The following KCP variants were observed in gnomAD, a reference collection of about 807,000 sequenced individuals.
The protein encoded by KCP is kielin/chordin-like protein.
KCP carries 194 observed loss-of-function variants against 212.7 expected under a neutral mutation model. That is an observed-to-expected ratio of 0.91 (90% confidence interval 0.81 to 1.03). The LOEUF (loss-of-function observed/expected upper bound fraction) is 1.03, where lower values mean the gene tolerates loss of function less well. Among genes scored for constraint, KCP ranks in the 50% least tolerant of loss-of-function variants. The pLI, the probability that KCP is intolerant of heterozygous loss-of-function variation, is 0.00. For synonymous variants in KCP, 833 were observed against 865.3 expected, an observed-to-expected ratio of 0.96 and a Z score of 0.65; for missense variants, 2,080 against 2,162.5, an observed-to-expected ratio of 0.96 and a Z score of 0.76.
rs538212975 is a variant in KCP, at chr7:128,890,076, G to C, written c.2335+267C>G. On this transcript the variant is annotated intron_variant, in intron 21 of 39. Coordinates refer to ENST00000610776, the MANE Select transcript of KCP (RefSeq NM_001366122.1). The stretch of plus-strand genomic sequence containing the variant: ...TAGATGGAACTACAAGAGGCACCAC[G>C]ACCAGCTGATTTTAAATTTTTTGTG... The C allele has an allele frequency of 1.6e-4, 79 of 505,314 alleles. 1 individual carries two copies. In the South Asian group the frequency reaches 1.7e-3, roughly 11 times the overall value. The allele number at this position is 505,314 out of a possible 1,614,324, so 31.3% of individuals were successfully genotyped here.
Position 128,877,083 on chromosome 7 carries a change from G to T in KCP, c.4847C>A (p.Ala1616Asp). ...VLLTGDQPLG[A>D]RPSPSREPQE... ...GGGCTCCCGGCTGGGGCTGGGCCGA[G>T]CACCAAGTGGCTGGTCTCCAGTGAG... The change falls in exon 40 of 40, where the codon GCT becomes GAT. Residue 1616 changes from alanine (A) to aspartate (D), a missense_variant. Coordinates refer to ENST00000610776, the MANE Select transcript of KCP (RefSeq NM_001366122.1). 1 of 1,520,394 alleles carries T rather than the reference G, an allele frequency of 6.6e-7. No individual in the cohort carries two copies. Among genetic ancestry groups the T allele is most frequent in the Non-Finnish European group, 8.8e-7 (1 of 1,138,516 alleles). The allele number at this position is 1,520,394 out of a possible 1,614,324, so 94.2% of individuals were successfully genotyped here. A position where few individuals can be genotyped will look rare whatever the true frequency, so the allele number is the denominator to read the frequency against.
chr7:128,880,008 T>C lies in KCP; in HGVS notation c.3837A>G (p.Gly1279=). The change falls in exon 35 of 40, where the codon GGA becomes GGG. Residue 1279 remains glycine, a synonymous_variant. Coordinates refer to ENST00000610776, the MANE Select transcript of KCP (RefSeq NM_001366122.1). ...CGTCGAAGGTGCGGTAATGGGGGTC[T>C]CCGAAGGCCATGCAGGAAGCGGGCC... ...LPRPASCMAF[G]DPHYRTFDGR... 6.5e-7 allele frequency: 1 copy of C among 1,550,144 alleles called. No individual in the cohort carries two copies. Among genetic ancestry groups the C allele is most frequent in the Non-Finnish European group, 8.7e-7 (1 of 1,146,876 alleles).
At position 128,884,812 on chromosome 7, in the gene KCP, C is replaced by T. The variant is rs867145045; in HGVS notation, c.3092G>A (p.Gly1031Glu). 1 of 1,551,136 alleles carries T rather than the reference C, an allele frequency of 6.4e-7. No individual in the cohort carries two copies. The highest frequency in any genetic ancestry group is 8.7e-7 in the Non-Finnish European group (1 of 1,147,002). ...GATGCACACTTCACAGGGGTCTGCC[C>T]CAGGCTGGAAGCTCTCCCCAGGCTC... ...KYEPGESFQP[G>E]ADPCEVCICE... The change falls in exon 28 of 40, where the codon GGG becomes GAG. Residue 1031 changes from glycine to glutamate, a missense_variant. Physicochemically the swap from Gly to Glu is moderately conservative, Grantham distance 98 (BLOSUM62 -2). Coordinates refer to ENST00000610776, the MANE Select transcript of KCP (RefSeq NM_001366122.1).
intron 16 of KCP, 141 bp downstream of exon 16, chr7:128,892,373 C>A: frequency 1.5e-5 from 9 of 601,548 alleles, no homozygotes; most frequent in Non-Finnish European, 2.3e-5. Flanking sequence ...CCCGTGAGTT[C>A]CAGAGAGTTC....
chr7:128,908,297 A>AGAAAGAAG (rs1491217558), intron 2 of KCP, 129 bp downstream of exon 2: 3 of 696,142 alleles, frequency 4.3e-6, no homozygotes, highest in Admixed American at 4.1e-5. Context: ...AAAGAAAGAA[A>AGAAAGAAG]GAAAGAAAGG....
At position 128,892,898 on chromosome 7, in the gene KCP, G is replaced by C; in HGVS notation, c.1391C>G (p.Ala464Gly). The stretch of plus-strand genomic sequence containing the variant: ...GGGCTGGGTGGGGTGCTGGCAGGGG[G>C]CTGGGGGGCAGAGCACAGCCCCGCA... ...PKCGAVLCPP[A>G]PCQHPTQPPG... The change falls in exon 14 of 40, where the codon GCC becomes GGC. Residue 464 changes from alanine (A) to glycine (G), a missense_variant. Ala to Gly is a moderately conservative substitution (Grantham distance 60). Coordinates refer to ENST00000610776, the MANE Select transcript of KCP (RefSeq NM_001366122.1). 6.5e-7 allele frequency: 1 copy of C among 1,546,890 alleles called. No individual in the cohort carries two copies. Among genetic ancestry groups the C allele is most frequent in the Non-Finnish European group, 8.7e-7 (1 of 1,143,232 alleles).
chr7:128,891,803 T>C lies in KCP; in HGVS notation c.1638A>G (p.Glu546=). The C allele has an allele frequency of 1.4e-6, 2 of 1,446,058 alleles. No homozygotes were observed. The highest frequency in any genetic ancestry group is 2.6e-5 in the East Asian group (1 of 39,110). 89.6% of individuals were successfully genotyped at this position (1,446,058 alleles called of 1,614,324 possible). A position where few individuals can be genotyped will look rare whatever the true frequency, so the allele number is the denominator to read the frequency against. ...AGCTCTCGCCGTCCACAAACACCTCTTCCTCCAGGATGCAGTCTGGGCAGT... is the reference window on the plus strand; with the variant it reads ...AGCTCTCGCCGTCCACAAACACCTCCTCCTCCAGGATGCAGTCTGGGCAGT... The part of the protein sequence containing the change: ...CPRCPDCILE[E]EVFVDGESFS... Residue 546 remains glutamate (E), a synonymous_variant, in exon 17 of 40, where the codon GAA becomes GAG. Transcript: ENST00000610776.
intron 8 of KCP, among the ~76,000 whole-genome samples, chr7:128,898,569 T>TAAC (rs1178108219): frequency 2.6e-5 from 4 of 152,228 alleles, no homozygotes; most frequent in Admixed American, 2.0e-4. Flanking sequence ...TGCTAAGGAT[T>TAAC]AACACTGTAA....
chr7:128,910,162 C>T (rs1382025132), intron 1 of KCP, among the ~76,000 whole-genome samples: 3 of 152,194 alleles, frequency 2.0e-5, no homozygotes, highest in Non-Finnish European at 4.4e-5. Context: ...CTTGGCTGGT[C>T]CCCAAGGAAT....
At chr7:128,887,541 A>G (rs1301783493) in intron 22 of KCP, among the ~76,000 whole-genome samples, 1 of 150,812 alleles carries the variant, frequency 6.6e-6, no homozygotes. Flanking sequence ...CCTGCCATCA[A>G]CAGAACTGCC....
At chr7:128,885,916 G>GT (rs398006228) in intron 26 of KCP, among the ~76,000 whole-genome samples, 1 of 60,798 alleles carries the variant, frequency 1.6e-5, no homozygotes, top group Non-Finnish European at 2.8e-5. Flanking sequence ...TATCTGGTAA[G>GT]TTGTTGTGCT....
chr7:128,891,198 G>T lies in KCP; in HGVS notation c.1959C>A (p.Cys653Ter). Residue 653 changes from cysteine to a stop codon, truncating the protein, a stop_gained, in exon 19 of 40, where the codon TGC becomes TGA. Transcript: ENST00000610776. LOFTEE classifies it high-confidence loss of function. The part of the protein sequence containing the change: ...PEPVLLPGEC[C>*]PQCPAAPAPA... ...TGCGGCCCCTACCTGGGCACTGCGG[G>T]CAGCACTCTCCCGGCAGCAGGACAG... 2 of 1,543,954 alleles carry T rather than the reference G, an allele frequency of 1.3e-6. No individual in the cohort carries two copies. Among genetic ancestry groups the T allele is most frequent in the Non-Finnish European group, 8.7e-7 (1 of 1,146,546 alleles).
In KCP at chr7:128,877,515, C is replaced by T. The variant is rs1563015767; in HGVS notation, c.4587G>A (p.Val1529=). 6.4e-7 allele frequency: 1 copy of T among 1,551,366 alleles called. No homozygotes were observed. The highest frequency in any genetic ancestry group is 1.4e-5 in the African/African-American group (1 of 73,180). ...AYASHCRQAG[V]TPTWRGPTLC... Reference sequence around the variant, plus strand: ...GCGTGGGGCCTCGCCAGGTAGGTGTCACTCCTGCCTGGCGACAGTGACTGG... The same window carrying T: ...GCGTGGGGCCTCGCCAGGTAGGTGTTACTCCTGCCTGGCGACAGTGACTGG... The change falls in exon 39 of 40, where the codon GTG becomes GTA. Residue 1529 remains valine (V), a synonymous_variant. Transcript: ENST00000610776.
chr7:128,882,898 C>T (rs925511811), intron 29 of KCP, among the ~76,000 whole-genome samples: 9 of 152,106 alleles, frequency 5.9e-5, no homozygotes, highest in Non-Finnish European at 8.8e-5. Flanking sequence ...ATGTTAAAAC[C>T]CCATCTCTAC....
At chr7:128,880,234 C>A in intron 34 of KCP, 149 bp from the exon 35 acceptor site, 1 of 1,291,540 alleles carries the variant, frequency 7.7e-7, no homozygotes, top group Non-Finnish European at 1.0e-6. Flanking sequence ...GTCAGGGCAC[C>A]ACATCGTGGT....
rs1305899180 is a variant in KCP at position 128,878,661 on chromosome 7, G to A, written c.4208C>T (p.Thr1403Ile). The A allele has an allele frequency of 3.2e-6, 5 of 1,551,248 alleles. No individual in the cohort carries two copies. Among genetic ancestry groups the A allele is most frequent in the Non-Finnish European group, 4.4e-6 (5 of 1,146,972 alleles). The change falls in exon 38 of 40, where the codon ACT becomes ATT. Residue 1403 changes from threonine to isoleucine, a missense_variant. Thr to Ile is a moderately conservative substitution (Grantham distance 89). Transcript: ENST00000610776. ...ATTGAAGTTCCCACAGAGCCCACAA[G>A]TCCGGCCCTGGTAGGAGCCAGGTAC... ...VSVPGSYQGRTCGLCGNFNGF... is the reference protein window; with the variant it reads ...VSVPGSYQGRICGLCGNFNGF...
chr7:128,877,313 T>C lies in KCP; in HGVS notation c.4619-2A>G, dbSNP rs1338729649. ...CACGCTCCAGGGGGCAGCCTACCAC[T>C]GCAGGGGGAGTGGGAGGCGGGGTTA... On this transcript the variant is annotated splice_acceptor_variant, in intron 39 of 39. Coordinates refer to ENST00000610776, the MANE Select transcript of KCP (RefSeq NM_001366122.1). LOFTEE classifies it high-confidence loss of function. The C allele has an allele frequency of 6.6e-7, 1 of 1,526,678 alleles. No homozygotes were observed. Among genetic ancestry groups the C allele is most frequent in the Non-Finnish European group, 8.8e-7 (1 of 1,139,242 alleles). The allele number at this position is 1,526,678 out of a possible 1,614,324, so 94.6% of individuals were successfully genotyped here.
Position 128,904,057 on chromosome 7 carries a change from A to C in KCP, c.653T>G (p.Leu218Arg). The C allele has an allele frequency of 6.4e-7, 1 of 1,551,378 alleles. No individual in the cohort carries two copies. Among genetic ancestry groups the C allele is most frequent in the Non-Finnish European group, 8.7e-7 (1 of 1,146,788 alleles). Residue 218 changes from leucine (L) to arginine (R), a missense_variant and splice_region_variant, in exon 6 of 40, where the codon CTG (leucine) becomes CGG (arginine). Coordinates refer to ENST00000610776, the MANE Select transcript of KCP (RefSeq NM_001366122.1). ...SSNPCLQCTC[L>R]RSRVRCMALK... Reference sequence around the variant, plus strand: ...GGCAGAGGGGACAGGTGGACTCACCAGGCAGGTGCACTGTAGACAAGGGTT... The same window carrying C: ...GGCAGAGGGGACAGGTGGACTCACCCGGCAGGTGCACTGTAGACAAGGGTT...
rs948190986 is a variant in KCP at position 128,884,742 on chromosome 7, G to A, written c.3123+39C>T. On this transcript the variant is annotated intron_variant, in intron 28 of 39. Coordinates refer to ENST00000610776, the MANE Select transcript of KCP (RefSeq NM_001366122.1). ...CATCCCATGCTGCCCACTCCCCCCC[G>A]ACGAGGTGCCCCAGCCCCACCACTG... is the stretch of plus-strand genomic sequence containing the variant. 48 of 1,535,454 alleles carry A rather than the reference G, an allele frequency of 3.1e-5. No homozygotes were observed. The African/African-American group carries it at 5.1e-4, about 16-fold the overall frequency.
Sources: gnomAD v4.1 joint callset for allele counts (sites outside exome capture counted in the v4.1 genomes callset) on GRCh38, gnomAD v4.1.1 for gene constraint, MANE v1.5 for transcripts, NCBI Gene and HGNC (gene_info 2026-07-23, HGNC 2026-07-21) for gene names.